Variants in ARB2A observed in about 807,000 individuals in gnomAD.
The protein encoded by ARB2A is cotranscriptional regulator ARB2A.
the ARB2A span, among the ~76,000 whole-genome samples, chr5:93,873,499 C>T: frequency 1.3e-5 from 2 of 151,926 alleles, no homozygotes; most frequent in Non-Finnish European, 2.9e-5. Flanking sequence ...ACTGTGTTTA[C>T]TAGGTTTTGG....
chr5:94,110,609 A>T, the ARB2A span, among the ~76,000 whole-genome samples: 3 of 152,218 alleles, frequency 2.0e-5, no homozygotes, highest in Non-Finnish European at 4.4e-5. Context: ...CAGTTTCTAC[A>T]TTCGCTAAAT....
At chr5:94,016,967 C>T in the ARB2A span, among the ~76,000 whole-genome samples, 55 of 152,216 alleles carry the variant, frequency 3.6e-4, no homozygotes, top group South Asian at 5.2e-3. Flanking sequence ...CATTATTGAA[C>T]GGTAGAAGAC....
chr5:93,747,395 TG>T, the ARB2A span, among the ~76,000 whole-genome samples: 3 of 152,160 alleles, frequency 2.0e-5, no homozygotes, highest in African/African-American at 4.8e-5. Context: ...GTCACACTGA[TG>T]TTTTTTTTCT....
At chr5:93,744,064 A>G in the ARB2A span, among the ~76,000 whole-genome samples, 1 of 152,222 alleles carries the variant, frequency 6.6e-6, no homozygotes, top group Non-Finnish European at 1.5e-5. Context: ...AGAAAACATG[A>G]GTTCAAATAG....
the ARB2A span, among the ~76,000 whole-genome samples, chr5:93,827,555 A>G: frequency 6.6e-6 from 1 of 151,646 alleles, no homozygotes; most frequent in African/African-American, 2.4e-5. Context: ...TTGTCTGTTC[A>G]CTCTGATGGT....
chr5:94,003,233 A>C, the ARB2A span, among the ~76,000 whole-genome samples: 1 of 152,104 alleles, frequency 6.6e-6, no homozygotes, highest in African/African-American at 2.4e-5. Flanking sequence ...TCAACAAAAA[A>C]CCTATAGCTA....
chr5:93,821,554 G>GA, the ARB2A span, among the ~76,000 whole-genome samples: 107 of 151,932 alleles, frequency 7.0e-4, no homozygotes, highest in South Asian at 1.7e-3. Context: ...GAAAAGTCCT[G>GA]AAAAATTGCC....
chr5:93,721,751 G>T, the ARB2A span, among the ~76,000 whole-genome samples: 7 of 151,980 alleles, frequency 4.6e-5, no homozygotes, highest in Non-Finnish European at 1.0e-4. Context: ...CAAAGAAGAT[G>T]GCCTGTTCTG....
chr5:93,664,067 T>C, the ARB2A span, among the ~76,000 whole-genome samples: 2 of 152,056 alleles, frequency 1.3e-5, no homozygotes, highest in African/African-American at 4.8e-5. Flanking sequence ...CATACTCTTT[T>C]TTTTATTTTT....
At chr5:93,777,758 G>A in the ARB2A span, among the ~76,000 whole-genome samples, 2 of 152,268 alleles carry the variant, frequency 1.3e-5, no homozygotes, top group Admixed American at 6.5e-5. Context: ...GTGTCTTATT[G>A]TATTTCCTTA....
At chr5:93,670,134 C>T in the ARB2A span, among the ~76,000 whole-genome samples, 653 of 152,272 alleles carry the variant, frequency 4.3e-3, 1 homozygote, top group Non-Finnish European at 6.3e-3. Context: ...CACTTCTTCC[C>T]ATCTCCAACT....
chr5:93,767,253 T>C, the ARB2A span, among the ~76,000 whole-genome samples: 1 of 152,072 alleles, frequency 6.6e-6, no homozygotes, highest in Non-Finnish European at 1.5e-5. Flanking sequence ...AAAGAAGATA[T>C]ACAAATGGCC....
the ARB2A span, among the ~76,000 whole-genome samples, chr5:93,894,085 T>C: frequency 1.3e-5 from 2 of 152,204 alleles, no homozygotes; most frequent in East Asian, 3.9e-4. Flanking sequence ...TTTTAAAAAA[T>C]GTACTCAATT....
chr5:94,002,175 C>T, the ARB2A span, among the ~76,000 whole-genome samples: 1 of 151,994 alleles, frequency 6.6e-6, no homozygotes, highest in Non-Finnish European at 1.5e-5. Flanking sequence ...AATACCCCAA[C>T]AAGTTAGGCT....
chr5:93,967,882 A>C, the ARB2A span, among the ~76,000 whole-genome samples: 1 of 152,154 alleles, frequency 6.6e-6, no homozygotes, highest in African/African-American at 2.4e-5. Flanking sequence ...ATCTACCCTA[A>C]GTTACCACCA....
At chr5:93,882,395 A>G in the ARB2A span, among the ~76,000 whole-genome samples, 1 of 151,328 alleles carries the variant, frequency 6.6e-6, no homozygotes, top group African/African-American at 2.4e-5. Flanking sequence ...TCAACCTACC[A>G]TAAAAATTCT....
At chr5:93,727,031 G>C in the ARB2A span, among the ~76,000 whole-genome samples, 2,346 of 152,126 alleles carry the variant, frequency 0.015, 21 homozygotes, top group Non-Finnish European at 0.024. Context: ...TAGTGGGAGA[G>C]AGGGAGTTTA....
At chr5:93,805,553 A>T in the ARB2A span, 1 of 985,180 alleles carries the variant, frequency 1.0e-6, no homozygotes, top group South Asian at 4.7e-5. Context: ...AGCAGGCATC[A>T]TACAGCATCC....
At chr5:93,868,279 C>G in the ARB2A span, among the ~76,000 whole-genome samples, 20 of 152,170 alleles carry the variant, frequency 1.3e-4, no homozygotes, top group African/African-American at 4.8e-4. Context: ...GTGATCATGC[C>G]ACTGCACTCC....
Sources: allele counts gnomAD v4.1 joint callset (sites outside exome capture counted in the v4.1 genomes callset), GRCh38; gene constraint gnomAD v4.1.1; transcripts MANE v1.5; gene names NCBI Gene and HGNC (gene_info 2026-07-23, HGNC 2026-07-21).